Variants in DLC1 observed in about 807,000 individuals in gnomAD.
The protein encoded by DLC1 is DLC1 Rho GTPase activating protein.
In DLC1, 54 loss-of-function variants were observed where a neutral mutation model predicts 140.3. That is an observed-to-expected ratio of 0.38 (90% CI 0.31 to 0.48). The LOEUF (loss-of-function observed/expected upper bound fraction) is 0.48, where lower values mean the gene tolerates loss of function less well. DLC1 is among the 20% of genes least tolerant of loss of function. The pLI is 0.96. For synonymous variants in DLC1, 986 were observed against 728.1 expected, an observed-to-expected ratio of 1.35 and a Z score of -5.70; for missense variants, 2,536 against 1,907.0, an observed-to-expected ratio of 1.33 and a Z score of -6.14.
At chr8:13,444,215 C>T (rs575007130) in intron 2 of DLC1, among the ~76,000 whole-genome samples, 2 of 152,164 alleles carry the variant, frequency 1.3e-5, no homozygotes, top group African/African-American at 4.8e-5. Context: ...CAACCAAATA[C>T]CTCATGTTCT....
chr8:13,523,752 C>G (rs922475341), intron 1 of DLC1, among the ~76,000 whole-genome samples: 3 of 151,934 alleles, frequency 2.0e-5, no homozygotes, highest in African/African-American at 7.2e-5. Context: ...ATTGGAGACA[C>G]AAATAAAGGA....
At chr8:13,562,349 T>G (rs1804272847) in intron 1 of DLC1, among the ~76,000 whole-genome samples, 1 of 151,866 alleles carries the variant, frequency 6.6e-6, no homozygotes, top group African/African-American at 2.4e-5. Flanking sequence ...TTCCAACATA[T>G]GAAGTGACTC....
intron 2 of DLC1, among the ~76,000 whole-genome samples, chr8:13,486,644 A>C (rs1256772041): frequency 1.3e-5 from 2 of 152,148 alleles, no homozygotes; most frequent in Non-Finnish European, 2.9e-5. Flanking sequence ...AAGGGTATTT[A>C]GTTTTTTCCA....
chr8:13,540,726 A>T (rs2117330428), intron 1 of DLC1, among the ~76,000 whole-genome samples: 1 of 152,292 alleles, frequency 6.6e-6, no homozygotes, highest in African/African-American at 2.4e-5. Context: ...ACAAGAGAAA[A>T]ACCCCAACCA....
chr8:13,585,110 C>A lies in DLC1; in HGVS notation c.-126+19427G>T, dbSNP rs148911381. ...CAATGAACTTAGCATTTTCTTAGAT[C>A]ACAAAAAATTTTTAACAAATATGTG... On this transcript the variant is annotated intron_variant, in intron 1 of 1. Transcript: ENST00000631382. Among the ~76,000 whole-genome samples the A allele has an allele frequency of 7.1e-4, 108 of 152,186 alleles. 1 individual carries two copies. Among genetic ancestry groups the A allele is most frequent in the Admixed American group, 3.7e-3 (57 of 15,266 alleles).
At chr8:13,560,279 T>C (rs1434999721) in intron 1 of DLC1, among the ~76,000 whole-genome samples, 2 of 151,432 alleles carry the variant, frequency 1.3e-5, no homozygotes, top group Non-Finnish European at 2.9e-5. Flanking sequence ...TGAAAAGAAC[T>C]AAAAAAAAAC....
intron 5 of DLC1, chr8:13,116,254 A>C (rs1057285281): frequency 9.5e-5 from 94 of 984,564 alleles, no homozygotes; most frequent in Non-Finnish European, 1.1e-4. Context: ...TAAATCCCAC[A>C]ATCTTGGCAG....
At chr8:13,424,512 T>G (rs1039369784) in intron 2 of DLC1, among the ~76,000 whole-genome samples, 2 of 151,912 alleles carry the variant, frequency 1.3e-5, no homozygotes, top group African/African-American at 4.8e-5. Flanking sequence ...AACAATAAAA[T>G]AAAAGTCAGA....
At chr8:13,352,801 A>C (rs1834736636) in intron 4 of DLC1, among the ~76,000 whole-genome samples, 1 of 152,222 alleles carries the variant, frequency 6.6e-6, no homozygotes, top group African/African-American at 2.4e-5. Flanking sequence ...TGATTAAGGA[A>C]AATATAAATT....
intron 5 of DLC1, among the ~76,000 whole-genome samples, chr8:13,300,853 C>A (rs963569492): frequency 1.3e-5 from 2 of 152,156 alleles, no homozygotes; most frequent in African/African-American, 4.8e-5. Context: ...ACTCTGGTGA[C>A]AGTGCAGATA....
intron 15 of DLC1, among the ~76,000 whole-genome samples, chr8:13,089,375 C>T (rs1448429169): frequency 6.6e-6 from 1 of 151,762 alleles, no homozygotes; most frequent in Non-Finnish European, 1.5e-5. Context: ...CGCCTATAAT[C>T]CCAGCACTTT....
chr8:13,473,731 T>A (rs971852648), intron 2 of DLC1, among the ~76,000 whole-genome samples: 4 of 152,154 alleles, frequency 2.6e-5, no homozygotes, highest in African/African-American at 7.2e-5. Flanking sequence ...CAAAGGTGAC[T>A]CTTGTTATGT....
At chr8:13,598,100 A>G (rs1334847242) in intron 1 of DLC1, among the ~76,000 whole-genome samples, 4 of 152,094 alleles carry the variant, frequency 2.6e-5, no homozygotes, top group African/African-American at 9.7e-5. Flanking sequence ...AGAGAAGTTT[A>G]TTTTCTAGAG....
At chr8:13,151,744 T>G (rs1439441373) in intron 5 of DLC1, among the ~76,000 whole-genome samples, 1 of 152,118 alleles carries the variant, frequency 6.6e-6, no homozygotes, top group African/African-American at 2.4e-5. Context: ...GAAAACAAAA[T>G]GAAAATGATG....
At chr8:13,544,930 G>A (rs1803604661) in intron 1 of DLC1, among the ~76,000 whole-genome samples, 1 of 152,052 alleles carries the variant, frequency 6.6e-6, no homozygotes, top group Non-Finnish European at 1.5e-5. Context: ...TGAGTACTCT[G>A]CCACCTTCAG....
intron 6 of DLC1, among the ~76,000 whole-genome samples, chr8:13,111,257 G>C (rs917029476): frequency 6.6e-6 from 1 of 152,146 alleles, no homozygotes; most frequent in African/African-American, 2.4e-5. Context: ...CTGAGCCACA[G>C]AAAGATCTAG....
chr8:13,133,083 C>T (rs1822258943), intron 5 of DLC1: 1 of 1,529,270 alleles, frequency 6.5e-7, no homozygotes, highest in Non-Finnish European at 8.8e-7. Flanking sequence ...AGACGCGCGC[C>T]CTCGCGGTCC....
In DLC1 at chr8:13,136,565, T is replaced by C. The variant is rs760206422; in HGVS notation, c.1349-20908A>G. 9.1e-4 allele frequency among the ~76,000 whole-genome samples: 139 copies of C among 152,314 alleles called. 2 individuals are homozygous for C. The highest frequency in any genetic ancestry group is 3.4e-3 in the Middle Eastern group (1 of 294). On this transcript the variant is annotated intron_variant, in intron 5 of 17. Transcript: ENST00000276297. ...CCCTGTTGCCGAGGCTGCAGCACAG[T>C]GGTGAAATCTCAGATCACTGCAGCC...
At chr8:13,583,880 G>A (rs917550012) in intron 1 of DLC1, 1 of 152,226 alleles carries the variant, frequency 6.6e-6, no homozygotes, top group African/African-American at 2.4e-5. Context: ...AGCTTGTCCT[G>A]GCAAAACTGG....
Sources: allele counts gnomAD v4.1 joint callset (sites outside exome capture counted in the v4.1 genomes callset), GRCh38; gene constraint gnomAD v4.1.1; transcripts MANE v1.5; gene names NCBI Gene and HGNC (gene_info 2026-07-23, HGNC 2026-07-21).